EVC: variants seen among roughly 807,000 people sequenced by gnomAD.
EVC encodes EvC ciliary complex subunit 1.
A neutral mutation model predicts 118.9 loss-of-function variants in EVC; 116 were observed. The observed-to-expected ratio is 0.98, with a 90% CI of 0.84 to 1.14. EVC has a LOEUF of 1.14. EVC is among the 50% of genes most tolerant of loss of function. EVC has a pLI of 0.00. For missense variants in EVC, 1,401 were observed against 1,246.4 expected, an observed-to-expected ratio of 1.12 and a Z score of -1.87; for synonymous variants, 619 against 534.7, an observed-to-expected ratio of 1.16 and a Z score of -2.18.
chr4:5,808,381 A>T (rs1386648030), intron 18 of EVC, 54 bp downstream of exon 18: 5 of 1,612,996 alleles, frequency 3.1e-6, no homozygotes, highest in Non-Finnish European at 4.2e-6. Flanking sequence ...GAGGAGCAGA[A>T]ATAGCTGAAG....
chr4:5,816,350 G>A (rs982312333), downstream of EVC, among the ~76,000 whole-genome samples: 3 of 152,160 alleles, frequency 2.0e-5, no homozygotes, highest in Admixed American at 6.5e-5. Context: ...ATTTCCTGCC[G>A]TGCTCAGAAA....
chr4:5,809,653 G>C, intron 19 of EVC, 42 bp downstream of exon 19: 1 of 1,556,630 alleles, frequency 6.4e-7, no homozygotes, highest in Non-Finnish European at 8.9e-7. Flanking sequence ...AGCACTCTGG[G>C]CTGAGAGATA....
Position 5,733,392 on chromosome 4 carries a change from A to G in EVC, c.659A>G (p.Asp220Gly), listed in dbSNP as rs1318878744. 1.9e-6 allele frequency: 3 copies of G among 1,613,984 alleles called. No homozygotes were observed. The African/African-American group carries it at 4.0e-5, about 22-fold the overall frequency. Reference sequence around the variant, plus strand: ...TGTATCTACAGCCTTCACTTAAAAGACCTGCTGCATTTGGACACGGCACTG... The same window carrying G: ...TGTATCTACAGCCTTCACTTAAAAGGCCTGCTGCATTTGGACACGGCACTG... ...DLCIYSLHLKDLLHLDTALRQ... is the reference protein window; with the variant it reads ...DLCIYSLHLKGLLHLDTALRQ... The change falls in exon 5 of 21, where the codon GAC (aspartate) becomes GGC (glycine). Residue 220 changes from aspartate to glycine, a missense_variant. Asp to Gly is a moderately conservative substitution (Grantham distance 94). Coordinates refer to ENST00000264956, the MANE Select transcript of EVC (RefSeq NM_153717.3).
Position 5,763,621 on chromosome 4 carries a change from CT to C in EVC, c.1563+7261del, listed in dbSNP as rs888459261. ...CTCCTTGAAGAGGTCCTTCACATCC[CT>C]TGTAAGTAGGATTCCTAGATATTTT... On this transcript the variant is annotated intron_variant, in intron 11 of 20. Transcript: ENST00000264956. 4.1e-4 allele frequency among the ~76,000 whole-genome samples: 49 copies of C among 119,760 alleles called. 4 individuals carry two copies. Among genetic ancestry groups the C allele is most frequent in the African/African-American group, 1.5e-3 (48 of 31,282 alleles). 78.6% of individuals were successfully genotyped at this position (119,760 alleles called of 152,430 possible). A position where few individuals can be genotyped will look rare whatever the true frequency, so the allele number is the denominator to read the frequency against.
chr4:5,751,066 G>C (rs930067211), intron 8 of EVC, among the ~76,000 whole-genome samples: 17 of 152,224 alleles, frequency 1.1e-4, no homozygotes, highest in African/African-American at 3.9e-4. Context: ...AAAAACAGCT[G>C]CCAAGACAGA....
intron 11 of EVC, among the ~76,000 whole-genome samples, chr4:5,757,553 G>A (rs1391623857): frequency 1.3e-5 from 2 of 152,240 alleles, no homozygotes; most frequent in Non-Finnish European, 2.9e-5. Flanking sequence ...GTGCCAACAG[G>A]ATTGACTTCT....
chr4:5,815,565 A>G (rs542928170), downstream of EVC, among the ~76,000 whole-genome samples: 60 of 152,244 alleles, frequency 3.9e-4, no homozygotes, highest in Non-Finnish European at 6.6e-4. Context: ...TCCTTCCCAG[A>G]CTGGCCAATC....
chr4:5,807,985 T>C (rs1716199043), intron 17 of EVC, among the ~76,000 whole-genome samples: 1 of 152,198 alleles, frequency 6.6e-6, no homozygotes, highest in African/African-American at 2.4e-5. Context: ...CAGGACTCTC[T>C]AAACTCCCGT....
Position 5,738,006 on chromosome 4 carries a change from A to G in EVC, c.703-3710A>G, listed in dbSNP as rs1217448628. On this transcript the variant is annotated intron_variant, in intron 5 of 20. Transcript: ENST00000264956. The surrounding 1 kb of genome is among the most constrained non-coding windows in gnomAD (Gnocchi z 6.5). ...GAAAGGATTCACCATTCTAGATGCC[A>G]TTGAGAATATTCATGATTCATAGGA... is the stretch of plus-strand genomic sequence containing the variant. Among the ~76,000 whole-genome samples the G allele has an allele frequency of 6.6e-6, 1 of 152,252 alleles. No individual in the cohort carries two copies. The highest frequency in any genetic ancestry group is 1.5e-5 in the Non-Finnish European group (1 of 68,048).
Position 5,755,496 on chromosome 4 carries a change from C to A in EVC, c.1465-768C>A, listed in dbSNP as rs1197164138. Among the ~76,000 whole-genome samples the A allele has an allele frequency of 6.6e-6, 1 of 152,158 alleles. No individual in the cohort carries two copies. The highest frequency in any genetic ancestry group is 1.5e-5 in the Non-Finnish European group (1 of 68,028). On this transcript the variant is annotated intron_variant, in intron 10 of 20. Transcript: ENST00000264956. This position sits in a 1 kb window ranked among gnomAD's most constrained non-coding sequence, Gnocchi z 4.1. ...GCTCCCAGTACACACTCAGCACCCA[C>A]CTTTTTCCAGTCCCGCCCTTCTCTC...
chr4:5,723,170 C>A (rs1725242738), intron 2 of EVC, among the ~76,000 whole-genome samples: 1 of 151,832 alleles, frequency 6.6e-6, no homozygotes, highest in Admixed American at 6.6e-5. Context: ...TGGGTGGACC[C>A]AGCACCAACA....
At chr4:5,807,766 C>T (rs796620570) in intron 17 of EVC, among the ~76,000 whole-genome samples, 14 of 152,304 alleles carry the variant, frequency 9.2e-5, no homozygotes, top group East Asian at 3.9e-4. Context: ...GATGGGTAGC[C>T]GGTAGGCCTC....
chr4:5,825,967 G>A, the EVC span: 1 of 422,732 alleles, frequency 2.4e-6, no homozygotes, highest in South Asian at 2.8e-5. The surrounding 1 kb of genome is among the most constrained non-coding windows in gnomAD (Gnocchi z 4.4). Flanking sequence ...TGCACATGCA[G>A]TAACAAAACA....
chr4:5,727,592 C>G (rs539321778), intron 2 of EVC, among the ~76,000 whole-genome samples: 72 of 151,932 alleles, frequency 4.7e-4, no homozygotes, highest in African/African-American at 1.3e-3. Context: ...TCCCATTTGT[C>G]AATTTTGGCT....
chr4:5,761,772 G>A (rs1732062313), intron 11 of EVC, among the ~76,000 whole-genome samples: 1 of 151,832 alleles, frequency 6.6e-6, no homozygotes, highest in South Asian at 2.1e-4. Flanking sequence ...GGCTAGCAAG[G>A]GAAGGGGTAC....
At chr4:5,714,690 A>G (rs1723656362) in intron 1 of EVC, among the ~76,000 whole-genome samples, 2 of 152,200 alleles carry the variant, frequency 1.3e-5, no homozygotes, top group South Asian at 4.1e-4. Context: ...TTACAATTCT[A>G]CAAACATTAT....
chr4:5,827,955 AG>A, the EVC span: 1 of 805,934 alleles, frequency 1.2e-6, no homozygotes, highest in African/African-American at 1.9e-5. Flanking sequence ...GTCAGTGCTA[AG>A]GTTGTTCAAG....
chr4:5,731,872 C>G lies in EVC; in HGVS notation c.617+215C>G, dbSNP rs1013974251. ...CTGGGGTTATGGAGTCAGGCCTGAGCCCCGGGGAGAGATGACAGGGAGGCC... is the reference window on the plus strand; with the variant it reads ...CTGGGGTTATGGAGTCAGGCCTGAGGCCCGGGGAGAGATGACAGGGAGGCC... On this transcript the variant is annotated intron_variant, in intron 4 of 20. Transcript: ENST00000264956. This position sits in a 1 kb window ranked among gnomAD's most constrained non-coding sequence, Gnocchi z 5.6. Among the ~76,000 whole-genome samples, 4 of 152,112 alleles carry G rather than the reference C, an allele frequency of 2.6e-5. No homozygotes were observed. Among genetic ancestry groups the G allele is most frequent in the Non-Finnish European group, 5.9e-5 (4 of 68,024 alleles).
At chr4:5,753,474 G>C (rs897274759) in intron 9 of EVC, among the ~76,000 whole-genome samples, 1 of 152,200 alleles carries the variant, frequency 6.6e-6, no homozygotes, top group African/African-American at 2.4e-5. Context: ...AGTGGGTGAG[G>C]GTGGGCCATG....
Sources: gnomAD v4.1 joint callset for allele counts (sites outside exome capture counted in the v4.1 genomes callset) on GRCh38, gnomAD v4.1.1 for gene constraint, Gnocchi (gnomAD v3.1) non-coding constraint, MANE v1.5 for transcripts, NCBI Gene and HGNC (gene_info 2026-07-23, HGNC 2026-07-21) for gene names.